The following ZNF160 variants were observed in gnomAD, a reference collection of about 807,000 sequenced individuals.
ZNF160 encodes zinc finger protein 160.
ZNF160 carries 9 observed loss-of-function variants against 13.1 expected under a neutral mutation model. The observed-to-expected ratio is 0.69, with a 90% CI of 0.41 to 1.20. ZNF160 has a LOEUF of 1.20. Among genes scored for constraint, ZNF160 ranks in the 50% most tolerant of loss-of-function variants. The probability of loss-of-function intolerance (pLI) is 0.01; values close to 1 mark genes in which losing one functional copy is unlikely to be tolerated. For synonymous variants in ZNF160, 293 were observed against 333.2 expected (o/e 0.88, Z 1.31); for missense variants, 838 against 988.0 (o/e 0.85, Z 2.04).
At chr19:53,098,643 C>T (rs561337266) in intron 1 of ZNF160, among the ~76,000 whole-genome samples, 13 of 151,892 alleles carry the variant, frequency 8.6e-5, no homozygotes, top group East Asian at 5.8e-4. Context: ...AAAATTCCCC[C>T]GCTGTTTAGG....
intron 1 of ZNF160, among the ~76,000 whole-genome samples, chr19:53,092,899 T>C (rs2085087894): frequency 6.6e-6 from 1 of 152,202 alleles, no homozygotes; most frequent in African/African-American, 2.4e-5. Flanking sequence ...TTTTGCAAGG[T>C]AGACTGCTCT....
rs1191883553 is a variant in ZNF160 at position 53,074,124 on chromosome 19, C to A, written c.271+16G>T. 6.2e-7 allele frequency: 1 copy of A among 1,612,844 alleles called. No homozygotes were observed. The highest frequency in any genetic ancestry group is 8.5e-7 in the Non-Finnish European group (1 of 1,179,080). On this transcript the variant is annotated intron_variant, in intron 5 of 5. Transcript: ENST00000683776. ...AGTTAATGAGTGGCCTTCTCTCTGC[C>A]CATCTGAGCTCTTACCTGTGACCAC...
intron 5 of ZNF160, among the ~76,000 whole-genome samples, chr19:53,071,842 T>C (rs2084188226): frequency 6.6e-6 from 1 of 152,072 alleles, no homozygotes; most frequent in East Asian, 1.9e-4. Flanking sequence ...GTTATACACA[T>C]TTAAAGCATA....
At chr19:53,072,165 G>C (rs1053619370) in intron 5 of ZNF160, among the ~76,000 whole-genome samples, 1 of 150,228 alleles carries the variant, frequency 6.7e-6, no homozygotes, top group Non-Finnish European at 1.5e-5. Flanking sequence ...GTAGTGCTGC[G>C]ATCTTGGCTT....
intron 5 of ZNF160, 82 bp from the exon 6 acceptor site, chr19:53,070,344 A>G (rs2084122719): frequency 7.6e-7 from 1 of 1,320,772 alleles, no homozygotes; most frequent in Admixed American, 2.8e-5. Flanking sequence ...ATATTCCACC[A>G]AAAGTAATAC....
At chr19:53,085,212 C>G in intron 3 of ZNF160, 1 of 985,416 alleles carries the variant, frequency 1.0e-6, no homozygotes. Flanking sequence ...AAGTGAGCTC[C>G]TGTTTCCTAA....
chr19:53,078,288 T>C (rs2084485867), intron 3 of ZNF160, among the ~76,000 whole-genome samples: 1 of 151,758 alleles, frequency 6.6e-6, no homozygotes, highest in Non-Finnish European at 1.5e-5. Context: ...CATGAGCCTG[T>C]AGTCCCAGCT....
intron 1 of ZNF160, among the ~76,000 whole-genome samples, chr19:53,097,823 G>T (rs2085292847): frequency 6.6e-6 from 1 of 152,168 alleles, no homozygotes; most frequent in Non-Finnish European, 1.5e-5. Context: ...TTTCAGGATG[G>T]TTTTTGCACT....
intron 3 of ZNF160, among the ~76,000 whole-genome samples, chr19:53,076,363 G>A (rs114911841): frequency 0.012 from 1,883 of 152,288 alleles, 38 homozygotes; most frequent in African/African-American, 0.038. Flanking sequence ...TAATGCGGCC[G>A]GGCGTGGCGG....
At chr19:53,074,583 T>C (rs542492683) in intron 4 of ZNF160, among the ~76,000 whole-genome samples, 1 of 148,518 alleles carries the variant, frequency 6.7e-6, no homozygotes, top group Admixed American at 6.9e-5. Flanking sequence ...GGCAGGAGAA[T>C]GGCATGAACC....
chr19:53,080,107 CTT>C (rs60598879), intron 3 of ZNF160, among the ~76,000 whole-genome samples: 123 of 140,858 alleles, frequency 8.7e-4, no homozygotes, highest in Admixed American at 1.4e-3. Context: ...ATCAGCAGTA[CTT>C]TTTTTTTTTT....
In ZNF160 at chr19:53,067,509, A is replaced by G. The variant is rs1345508918; in HGVS notation, c.*568T>C. 1.3e-5 allele frequency: 2 copies of G among 152,278 alleles called. No homozygotes were observed. The allele number at this position is 152,278 out of a possible 1,614,324, so 9.4% of individuals were successfully genotyped here. On this transcript the variant is annotated 3_prime_UTR_variant, in exon 6 of 6. Coordinates refer to ENST00000683776, the MANE Select transcript of ZNF160 (RefSeq NM_001322131.2). ...TCTTCACCCAATCAATGATCCTTCC[A>G]TCCCAATGATCTTTCCAAGAAAGCA...
intron 5 of ZNF160, among the ~76,000 whole-genome samples, chr19:53,071,229 G>A (rs1480114753): frequency 1.3e-5 from 2 of 151,764 alleles, no homozygotes; most frequent in Non-Finnish European, 1.5e-5. Flanking sequence ...TTGGCATGCT[G>A]GCATGTGCCT....
At chr19:53,074,799 C>G (rs1475733285) in intron 4 of ZNF160, among the ~76,000 whole-genome samples, 1 of 152,050 alleles carries the variant, frequency 6.6e-6, no homozygotes, top group African/African-American at 2.4e-5. Context: ...AACAGGAAAT[C>G]TGACATTTCA....
chr19:53,075,155 A>G lies in ZNF160; in HGVS notation c.44T>C (p.Ile15Thr), dbSNP rs1176713052. The change falls in exon 4 of 6, where the codon ATA becomes ACA. Residue 15 changes from isoleucine to threonine, a missense_variant. Ile to Thr is a moderately conservative substitution (Grantham distance 89, BLOSUM62 -1). This residue lies in a region of ZNF160 where 387 missense variants were observed against 402.3 expected (regional missense o/e 0.96). Coordinates refer to ENST00000683776, the MANE Select transcript of ZNF160 (RefSeq NM_001322131.2). The part of the protein sequence containing the change: ...QVRLTFRDVA[I>T]EFSQEEWKCL... ...TTTCCACTCCTCCTGAGAGAATTCT[A>G]TGGCCACATCCCTAAATGTCAACCG... 3 of 1,614,200 alleles carry G rather than the reference A, an allele frequency of 1.9e-6. No individual in the cohort carries two copies. The highest frequency in any genetic ancestry group is 2.2e-5 in the East Asian group (1 of 44,884).
chr19:53,067,955 A>T lies in ZNF160; in HGVS notation c.*122T>A. 2 of 1,369,518 alleles carry T rather than the reference A, an allele frequency of 1.5e-6. No homozygotes were observed. The highest frequency in any genetic ancestry group is 3.0e-5 in the South Asian group (2 of 67,326). 84.8% of individuals were successfully genotyped at this position (1,369,518 alleles called of 1,614,324 possible). ...TGATGTCTCTTGCTTATGGCCTCTC[A>T]TATCTATTAATGCTTCAACTCATGA... On this transcript the variant is annotated 3_prime_UTR_variant, in exon 6 of 6. Transcript: ENST00000683776.
chr19:53,099,195 G>A (rs1490355230), intron 1 of ZNF160, among the ~76,000 whole-genome samples: 2 of 152,222 alleles, frequency 1.3e-5, no homozygotes, highest in African/African-American at 4.8e-5. Flanking sequence ...AGACTGACAG[G>A]CAGAGAGAAT....
intron 3 of ZNF160, among the ~76,000 whole-genome samples, chr19:53,082,182 T>C (rs117463859): frequency 0.018 from 2,785 of 152,266 alleles, 30 homozygotes; most frequent in Middle Eastern, 0.027. Context: ...ACTTGGGTGA[T>C]GGGATCTTTG....
intron 1 of ZNF160, chr19:53,095,367 A>T (rs546058732): frequency 6.6e-6 from 1 of 151,362 alleles, no homozygotes; most frequent in East Asian, 2.0e-4. Flanking sequence ...CACCGGCAGG[A>T]GAGCATTCAG....
Sources: gnomAD v4.1 joint callset for allele counts (sites outside exome capture counted in the v4.1 genomes callset) on GRCh38, gnomAD v4.1.1 for gene constraint, gnomAD v4.1.1 regional missense constraint, MANE v1.5 for transcripts, NCBI Gene and HGNC (gene_info 2026-07-23, HGNC 2026-07-21) for gene names.